The following CTDSP1 variants were observed in gnomAD, a reference collection of about 807,000 sequenced individuals.
The protein encoded by CTDSP1 is CTD small phosphatase 1, also known as carboxy-terminal domain RNA polymerase II polypeptide A small phosphatase 1.
Under a neutral mutation model 32.5 loss-of-function variants are expected in CTDSP1, and 15 were observed. The ratio of observed to expected loss-of-function variants is 0.46; its 90% CI spans 0.31 to 0.71. CTDSP1 has a LOEUF of 0.71. CTDSP1 is among the 30% of genes least tolerant of loss of function. CTDSP1 has a pLI of 0.05. For missense variants in CTDSP1, 294 were observed against 351.1 expected (o/e 0.84, Z 1.30); for synonymous variants, 185 against 145.4 (o/e 1.27, Z -1.96).
chr2:218,403,659 G>A lies in CTDSP1; in HGVS notation c.657+242G>A, dbSNP rs147557017. ...TGCACAGGGGCCCCCACAGGGCAACGGAGTTTGGAAAGTTTCAATTTTTCG... is the reference window on the plus strand; with the variant it reads ...TGCACAGGGGCCCCCACAGGGCAACAGAGTTTGGAAAGTTTCAATTTTTCG... On this transcript the variant is annotated intron_variant, in intron 6 of 6. Coordinates refer to ENST00000273062, the MANE Select transcript of CTDSP1 (RefSeq NM_021198.3). 2,423 of 428,344 alleles carry A rather than the reference G, an allele frequency of 5.7e-3. 14 individuals carry two copies. Among genetic ancestry groups the A allele is most frequent in the Non-Finnish European group, 7.9e-3 (1,913 of 243,060 alleles). The allele number at this position is 428,344 out of a possible 1,614,324, so 26.5% of individuals were successfully genotyped here.
chr2:218,400,404 A>G (rs1343070488), intron 1 of CTDSP1: 1 of 508,770 alleles, frequency 2.0e-6, no homozygotes, highest in Admixed American at 4.0e-5. Context: ...GCAGGAATAG[A>G]GAGGGAACTC....
chr2:218,401,507 G>C, intron 1 of CTDSP1, 57 bp from the exon 2 acceptor site: 1 of 1,597,772 alleles, frequency 6.3e-7, no homozygotes, highest in Non-Finnish European at 8.5e-7. Flanking sequence ...GGGCACACAT[G>C]CAGGATTCTG....
intron 6 of CTDSP1, among the ~76,000 whole-genome samples, chr2:218,404,085 C>T (rs1387617262): frequency 6.6e-6 from 1 of 151,996 alleles, no homozygotes; most frequent in Non-Finnish European, 1.5e-5. Context: ...TATCCGAGTG[C>T]TTCGCACAGA....
chr2:218,398,469 CG>C, upstream of CTDSP1: 1 of 1,528,570 alleles, frequency 6.5e-7, no homozygotes, highest in Non-Finnish European at 8.7e-7. Context: ...GGATCCAGCC[CG>C]GGGACCGGGG....
rs1158500378 is a variant in CTDSP1 at position 218,404,509 on chromosome 2, A to G, written c.*84A>G. ...AAGACTGCCCAGGCCTTTGTTAGGA[A>G]AACCCATGGGCCGCCGCCACACTCA... On this transcript the variant is annotated 3_prime_UTR_variant, in exon 7 of 7. Coordinates refer to ENST00000273062, the MANE Select transcript of CTDSP1 (RefSeq NM_021198.3). 3.9e-6 allele frequency: 6 copies of G among 1,548,460 alleles called. No individual in the cohort carries two copies. The East Asian group carries it at 9.0e-5, about 23-fold the overall frequency.
upstream of CTDSP1, chr2:218,399,161 G>A (rs1163046574): frequency 6.6e-6 from 1 of 152,284 alleles, no homozygotes; most frequent in African/African-American, 2.4e-5. Context: ...GAAAGGAACA[G>A]CGCGTACGAA....
intron 1 of CTDSP1, chr2:218,401,184 A>G: frequency 2.7e-6 from 1 of 366,378 alleles, no homozygotes; most frequent in Non-Finnish European, 5.4e-6. Context: ...CCTGGGTCCC[A>G]GGCCCTGGCT....
chr2:218,404,689 C>T lies in CTDSP1; in HGVS notation c.*264C>T, dbSNP rs1478121110. 2.3e-6 allele frequency: 1 copy of T among 438,654 alleles called. No homozygotes were observed. Among genetic ancestry groups the T allele is most frequent in the South Asian group, 3.8e-5 (1 of 26,348 alleles). The allele number at this position is 438,654 out of a possible 1,614,324, so 27.2% of individuals were successfully genotyped here. A position where few individuals can be genotyped will look rare whatever the true frequency, so the allele number is the denominator to read the frequency against. ...GACCTGGGGGGCCCTGCCTGCTGCT[C>T]CCTTTTTCTGTCTCTGTCCATGCTG... On this transcript the variant is annotated 3_prime_UTR_variant, in exon 7 of 7. Transcript: ENST00000273062.
At chr2:218,402,880 T>C (rs1440892367) in intron 4 of CTDSP1, 155 bp from the exon 5 acceptor site, 3 of 666,910 alleles carry the variant, frequency 4.5e-6, no homozygotes, top group East Asian at 5.4e-5. Flanking sequence ...GGGTACAGTT[T>C]CCCCAGCAGT....
upstream of CTDSP1, chr2:218,399,608 C>A: frequency 1.8e-6 from 1 of 551,166 alleles, no homozygotes; most frequent in Non-Finnish European, 2.3e-6. Context: ...CGGGCCTTGG[C>A]CGAGGGCGCT....
intron 6 of CTDSP1, chr2:218,403,870 G>A (rs1193604248): frequency 3.7e-5 from 7 of 187,132 alleles, no homozygotes; most frequent in South Asian, 2.4e-4. Flanking sequence ...GACCAGCCTC[G>A]GCAACATAGT....
upstream of CTDSP1, among the ~76,000 whole-genome samples, chr2:218,397,063 CCAGGAG>C (rs1422106247): frequency 1.3e-5 from 2 of 152,052 alleles, no homozygotes; most frequent in Non-Finnish European, 1.5e-5. Flanking sequence ...AATGAGAGTG[CCAGGAG>C]CATGGGGGCA....
chr2:218,404,598 G>A lies in CTDSP1; in HGVS notation c.*173G>A. 1 of 735,694 alleles carries A rather than the reference G, an allele frequency of 1.4e-6. No homozygotes were observed. The highest frequency in any genetic ancestry group is 2.2e-6 in the Non-Finnish European group (1 of 463,962). The allele number at this position is 735,694 out of a possible 1,614,324, so 45.6% of individuals were successfully genotyped here. ...CCAGGCGGTGTAGGGGCAGCAGGCT[G>A]CACTGAGGACCGTGAGCTCCAGGCC... On this transcript the variant is annotated 3_prime_UTR_variant, in exon 7 of 7. Transcript: ENST00000273062.
upstream of CTDSP1, chr2:218,398,407 A>T (rs1380646088): frequency 1.3e-6 from 2 of 1,535,072 alleles, no homozygotes; most frequent in Non-Finnish European, 1.7e-6. Flanking sequence ...ACGGTGATGA[A>T]GCGCAATGGT....
At chr2:218,400,345 G>C (rs1483442791) in intron 1 of CTDSP1, 188 bp downstream of exon 1, 1 of 706,046 alleles carries the variant, frequency 1.4e-6, no homozygotes, top group East Asian at 2.7e-5. Context: ...GCGGGGCGGG[G>C]CCTGGCGCCT....
Position 218,399,980 on chromosome 2 carries a change from T to G in CTDSP1, c.-111T>G. The G allele has an allele frequency of 4.2e-6, 4 of 946,500 alleles. No homozygotes were observed. The highest frequency in any genetic ancestry group is 9.0e-5 in the East Asian group (1 of 11,116). 58.6% of individuals were successfully genotyped at this position (946,500 alleles called of 1,614,324 possible). On this transcript the variant is annotated 5_prime_UTR_variant, in exon 1 of 7. Coordinates refer to ENST00000273062, the MANE Select transcript of CTDSP1 (RefSeq NM_021198.3). ...CCCTCCCCTCCGGAGCTCGCGGGGA[T>G]CCCTCCCTCCCACCCCTCCCCTCCC... is the stretch of plus-strand genomic sequence containing the variant.
chr2:218,404,346 ACCT>A lies in CTDSP1; in HGVS notation c.713_715del (p.Leu238del). 1 of 1,613,496 alleles carries A rather than the reference ACCT, an allele frequency of 6.2e-7. No individual in the cohort carries two copies. The highest frequency in any genetic ancestry group is 8.5e-7 in the Non-Finnish European group (1 of 1,179,896). ...AACATGAGTGACACAGAGCTCCACG[ACCT>A]CCTCCCCTTCTTCGAGCAACTCAGC... On this transcript the variant is annotated inframe_deletion, in exon 7 of 7. Transcript: ENST00000273062.
In CTDSP1 at chr2:218,404,447, C is replaced by T; in HGVS notation, c.*22C>T. On this transcript the variant is annotated 3_prime_UTR_variant, in exon 7 of 7. Transcript: ENST00000273062. ...CTAGTGAGGGTGATGGGGCCAGGAC[C>T]TGCCCCTGACCAATGATACCCACAC... is the stretch of plus-strand genomic sequence containing the variant. The T allele has an allele frequency of 6.2e-7, 1 of 1,613,188 alleles. No homozygotes were observed. The highest frequency in any genetic ancestry group is 2.2e-5 in the East Asian group (1 of 44,874).
At chr2:218,398,055 G>A (rs929643188), upstream of CTDSP1, among the ~76,000 whole-genome samples, 22 of 152,184 alleles carry the variant, frequency 1.4e-4, no homozygotes, top group African/African-American at 4.8e-4. Context: ...TTCACAGAGG[G>A]AGAGGAAAGC....
Sources: gnomAD v4.1 joint callset for allele counts (sites outside exome capture counted in the v4.1 genomes callset) on GRCh38, gnomAD v4.1.1 for gene constraint, MANE v1.5 for transcripts, NCBI Gene and HGNC (gene_info 2026-07-23, HGNC 2026-07-21) for gene names.